Variants in ITM2B observed in about 807,000 individuals in gnomAD.
ITM2B encodes ABri/ADan amyloid peptide.
In ITM2B, 11 loss-of-function variants were observed where a neutral mutation model predicts 27.8. That is an observed-to-expected ratio of 0.40 (90% CI 0.25 to 0.66). The LOEUF (loss-of-function observed/expected upper bound fraction) is 0.66. Ranked by LOEUF, ITM2B falls within the 30% of genes least tolerant of loss-of-function variation. The pLI, the probability that ITM2B is intolerant of heterozygous loss-of-function variation, is 0.43. For missense variants in ITM2B, 296 were observed against 328.9 expected (o/e 0.90, Z 0.77); for synonymous variants, 114 against 114.3 (o/e 1.00, Z 0.02).
At chr13:48,261,092 T>A in intron 5 of ITM2B, 47 bp from the exon 6 acceptor site, 1 of 1,183,530 alleles carries the variant, frequency 8.4e-7, no homozygotes, top group Non-Finnish European at 1.2e-6. Flanking sequence ...TGAATATTTA[T>A]TATTAAAGAA....
intron 1 of ITM2B, among the ~76,000 whole-genome samples, chr13:48,247,165 T>G (rs1180270745): frequency 6.6e-6 from 1 of 152,198 alleles, no homozygotes; most frequent in Non-Finnish European, 1.5e-5. Context: ...CACTAAATTT[T>G]TTTAATGTCC....
Position 48,270,308 on chromosome 13 carries a change from G to A in ITM2B, c.*9084G>A, listed in dbSNP as rs1415393047. The A allele has an allele frequency of 6.6e-6, 1 of 152,056 alleles. No individual in the cohort carries two copies. Among genetic ancestry groups the A allele is most frequent in the Non-Finnish European group, 1.5e-5 (1 of 68,000 alleles). The allele number at this position is 152,056 out of a possible 1,614,324, so 9.4% of individuals were successfully genotyped here. On this transcript the variant is annotated 3_prime_UTR_variant, in exon 6 of 6. Coordinates refer to ENST00000647800, the MANE Select transcript of ITM2B (RefSeq NM_021999.5). ...CACCATCTGACATGTATTTATGTTT[G>A]TATTTGTTTATTGTCTGTCTCTACA...
chr13:48,252,703 A>G (rs961952539), intron 1 of ITM2B, among the ~76,000 whole-genome samples: 1 of 152,188 alleles, frequency 6.6e-6, no homozygotes, highest in Non-Finnish European at 1.5e-5. Flanking sequence ...ATCCTATTAT[A>G]TAGGTTTAGG....
chr13:48,259,109 A>G (rs990616530), intron 5 of ITM2B, among the ~76,000 whole-genome samples, 162 bp downstream of exon 5: 3 of 152,208 alleles, frequency 2.0e-5, no homozygotes, highest in Non-Finnish European at 4.4e-5. Context: ...TCTTAATTCC[A>G]TTTAGTAAGT....
chr13:48,249,460 C>G (rs779802202), intron 1 of ITM2B, among the ~76,000 whole-genome samples: 9 of 152,136 alleles, frequency 5.9e-5, no homozygotes, highest in Non-Finnish European at 1.0e-4. Context: ...AAATTTTTGA[C>G]TCAGTTGATT....
intron 5 of ITM2B, among the ~76,000 whole-genome samples, chr13:48,260,905 G>C (rs1231301368): frequency 6.6e-6 from 1 of 152,102 alleles, no homozygotes; most frequent in African/African-American, 2.4e-5. Flanking sequence ...TCATGAATTT[G>C]TAAGCAGTCT....
intron 1 of ITM2B, among the ~76,000 whole-genome samples, chr13:48,234,461 T>C (rs1951655500): frequency 6.6e-6 from 1 of 152,150 alleles, no homozygotes. Context: ...TTTGTTGTTG[T>C]TAGCATTTTT....
chr13:48,259,228 C>T (rs1341644965), intron 5 of ITM2B, among the ~76,000 whole-genome samples: 1 of 152,190 alleles, frequency 6.6e-6, no homozygotes, highest in African/African-American at 2.4e-5. Context: ...TCCCATCCTA[C>T]CACTTTGGTT....
rs891071886 is a variant in ITM2B at position 48,262,104 on chromosome 13, T to A, written c.*880T>A. 1.3e-5 allele frequency: 2 copies of A among 152,142 alleles called. No individual in the cohort carries two copies. Among genetic ancestry groups the A allele is most frequent in the Non-Finnish European group, 2.9e-5 (2 of 68,002 alleles). The allele number at this position is 152,142 out of a possible 1,614,324, so 9.4% of individuals were successfully genotyped here. A position where few individuals can be genotyped will look rare whatever the true frequency, so the allele number is the denominator to read the frequency against. ...ATTTAAGCCTCAACCTTGAATGATGTTGTTTAATATAAAATGCTTTTATTT... is the reference window on the plus strand; with the variant it reads ...ATTTAAGCCTCAACCTTGAATGATGATGTTTAATATAAAATGCTTTTATTT... On this transcript the variant is annotated 3_prime_UTR_variant, in exon 6 of 6. Transcript: ENST00000647800.
At chr13:48,254,826 A>G (rs1197113649) in intron 2 of ITM2B, 1 of 152,206 alleles carries the variant, frequency 6.6e-6, no homozygotes, top group Non-Finnish European at 1.5e-5. Context: ...CATATAGTAT[A>G]GAAAAAATCA....
chr13:48,236,216 G>A (rs1488094856), intron 1 of ITM2B, among the ~76,000 whole-genome samples: 1 of 152,180 alleles, frequency 6.6e-6, no homozygotes, highest in African/African-American at 2.4e-5. Context: ...TAGAGCTATA[G>A]AGACAGCAAA....
chr13:48,255,544 C>T (rs1343786947), intron 2 of ITM2B, among the ~76,000 whole-genome samples: 3 of 152,178 alleles, frequency 2.0e-5, no homozygotes, highest in Non-Finnish European at 4.4e-5. Context: ...GTCCATCTGT[C>T]TCAGGCCTCC....
intron 1 of ITM2B, among the ~76,000 whole-genome samples, chr13:48,243,966 T>C (rs1951712823): frequency 6.6e-6 from 1 of 152,170 alleles, no homozygotes; most frequent in East Asian, 1.9e-4. Context: ...GCTGTTTGAG[T>C]CAGTTTCCTT....
At chr13:48,241,242 T>C (rs965496484) in intron 1 of ITM2B, among the ~76,000 whole-genome samples, 1 of 152,180 alleles carries the variant, frequency 6.6e-6, no homozygotes, top group Non-Finnish European at 1.5e-5. Flanking sequence ...AGCAGAGTCT[T>C]GCTCTGTCAC....
At position 48,258,374 on chromosome 13, in the gene ITM2B, G is replaced by A. The variant is rs940884911; in HGVS notation, c.564+138G>A. 5.5e-5 allele frequency: 36 copies of A among 654,776 alleles called. No individual in the cohort carries two copies. The African/African-American group carries it at 6.2e-4, about 11-fold the overall frequency. The allele number at this position is 654,776 out of a possible 1,614,324, so 40.6% of individuals were successfully genotyped here. On this transcript the variant is annotated intron_variant, in intron 4 of 5. Transcript: ENST00000647800. ...TTACAAAGAGGAACTAATACTCATG[G>A]TTTTTGTTTTTAATGTTTTATATCT...
rs1951836474 is a variant in ITM2B, at chr13:48,263,945, A to G, written c.*2721A>G. 6.6e-6 allele frequency: 1 copy of G among 151,974 alleles called. No individual in the cohort carries two copies. The highest frequency in any genetic ancestry group is 2.4e-5 in the African/African-American group (1 of 41,350). The allele number at this position is 151,974 out of a possible 1,614,324, so 9.4% of individuals were successfully genotyped here. A position where few individuals can be genotyped will look rare whatever the true frequency, so the allele number is the denominator to read the frequency against. ...AGCAAGTTCCATAATGCACCCCATC[A>G]TATGTGTGTGTGTGTGTATTTATTT... On this transcript the variant is annotated 3_prime_UTR_variant, in exon 6 of 6. Coordinates refer to ENST00000647800, the MANE Select transcript of ITM2B (RefSeq NM_021999.5).
At chr13:48,249,890 A>T (rs1389179200) in intron 1 of ITM2B, among the ~76,000 whole-genome samples, 1 of 152,214 alleles carries the variant, frequency 6.6e-6, no homozygotes, top group African/African-American at 2.4e-5. Context: ...CTTAAATCTC[A>T]CGTGGCTTTT....
chr13:48,242,910 C>T (rs749714286), intron 1 of ITM2B, among the ~76,000 whole-genome samples: 1 of 151,892 alleles, frequency 6.6e-6, no homozygotes, highest in Non-Finnish European at 1.5e-5. Flanking sequence ...CCTTTACTGT[C>T]GCTTTATTGA....
At chr13:48,256,465 A>C (rs3818455) in intron 3 of ITM2B, 82 bp downstream of exon 3, 248,335 of 1,074,088 alleles carry the variant, frequency 0.23, 30,602 homozygotes, top group Non-Finnish European at 0.25. Context: ...AATATTTGCT[A>C]ATTTATTATA....
Sources: gnomAD v4.1 joint callset for allele counts (sites outside exome capture counted in the v4.1 genomes callset) on GRCh38, gnomAD v4.1.1 for gene constraint, MANE v1.5 for transcripts, NCBI Gene and HGNC (gene_info 2026-07-23, HGNC 2026-07-21) for gene names.